SIPA1L1: variants seen among roughly 807,000 people sequenced by gnomAD.
The protein encoded by SIPA1L1 is signal induced proliferation associated 1 like 1.
Under a neutral mutation model 162.7 loss-of-function variants are expected in SIPA1L1, and 26 were observed. That is an observed-to-expected ratio of 0.16 (90% CI 0.12 to 0.22). SIPA1L1 has a LOEUF of 0.22. Ranked by LOEUF, SIPA1L1 falls within the 10% of genes least tolerant of loss-of-function variation. The pLI, the probability that SIPA1L1 is intolerant of heterozygous loss-of-function variation, is 1.00. For synonymous variants in SIPA1L1, 829 were observed against 837.4 expected, an observed-to-expected ratio of 0.99 and a Z score of 0.17; for missense variants, 1,874 against 2,241.0, an observed-to-expected ratio of 0.84 and a Z score of 3.31.
intron 22 of SIPA1L1, among the ~76,000 whole-genome samples, chr14:71,737,804 G>A (rs531247715): frequency 5.2e-4 from 79 of 152,240 alleles, no homozygotes; most frequent in African/African-American, 1.8e-3. Flanking sequence ...GAGACGACCT[G>A]CCTATCACAT....
chr14:71,359,433 C>T (rs930035180), intron 2 of SIPA1L1, among the ~76,000 whole-genome samples: 1 of 152,176 alleles, frequency 6.6e-6, no homozygotes, highest in East Asian at 1.9e-4. Flanking sequence ...ATGTACATCT[C>T]CTCCATATAA....
intron 4 of SIPA1L1, among the ~76,000 whole-genome samples, chr14:71,555,374 T>TA (rs2056262195): frequency 6.6e-6 from 1 of 152,240 alleles, no homozygotes; most frequent in Non-Finnish European, 1.5e-5. Context: ...ACTCTTCTTC[T>TA]GAGTTTCTTC....
At chr14:71,416,444 C>A (rs1206840574) in intron 2 of SIPA1L1, among the ~76,000 whole-genome samples, 1 of 151,888 alleles carries the variant, frequency 6.6e-6, no homozygotes, top group Non-Finnish European at 1.5e-5. Context: ...ATAACTTGAA[C>A]CTCTGGGCAC....
intron 7 of SIPA1L1, among the ~76,000 whole-genome samples, chr14:71,641,251 G>T (rs2041680470): frequency 2.0e-5 from 3 of 147,912 alleles, no homozygotes; most frequent in Non-Finnish European, 4.5e-5. Flanking sequence ...TAAAAACAAG[G>T]AGTTCTGTCC....
intron 2 of SIPA1L1, among the ~76,000 whole-genome samples, chr14:71,389,903 C>T (rs2040614517): frequency 6.6e-6 from 1 of 152,180 alleles, no homozygotes; most frequent in South Asian, 2.1e-4. Flanking sequence ...CGGACAAGTG[C>T]ATTCGCTGGT....
rs780815114 is a variant in SIPA1L1, at chr14:71,733,682, G to A, written c.4878G>A (p.Ser1626=). ...MKSLHGEFSA[S]DSSLTDIQET... ...TTCCCGCAGGAGAGTTCTCAGCCTC[G>A]GACAGCTCCCTCACTGACATCCAGG... is the stretch of plus-strand genomic sequence containing the variant. Residue 1626 remains serine (S), a synonymous_variant, in exon 21 of 24, where the codon TCG becomes TCA. Transcript: ENST00000381232. 3.7e-6 allele frequency: 6 copies of A among 1,613,806 alleles called. No homozygotes were observed. Among genetic ancestry groups the A allele is most frequent in the Middle Eastern group, 1.7e-4 (1 of 6,032 alleles).
intron 22 of SIPA1L1, chr14:71,735,699 T>C (rs2085224273): frequency 3.9e-6 from 1 of 257,010 alleles, no homozygotes; most frequent in South Asian, 6.4e-5. Context: ...ATTCCTGTGC[T>C]CTGTGCTGTG....
intron 3 of SIPA1L1, among the ~76,000 whole-genome samples, chr14:71,526,457 G>T (rs1241346519): frequency 6.6e-6 from 1 of 152,084 alleles, no homozygotes; most frequent in Non-Finnish European, 1.5e-5. Flanking sequence ...TCTTTCATGT[G>T]TCTGGCATCT....
At chr14:71,726,875 G>A (rs564478122) in intron 19 of SIPA1L1, among the ~76,000 whole-genome samples, 16 of 152,186 alleles carry the variant, frequency 1.1e-4, no homozygotes, top group African/African-American at 3.9e-4. Context: ...CCCTTGAGAG[G>A]TCTTCCAGGC....
At chr14:71,336,603 C>T (rs1566902660) in intron 2 of SIPA1L1, among the ~76,000 whole-genome samples, 1 of 152,140 alleles carries the variant, frequency 6.6e-6, no homozygotes, top group Non-Finnish European at 1.5e-5. Context: ...ACAGAAACTA[C>T]AACCTGTGCT....
At chr14:71,418,519 T>C (rs1476970861) in intron 2 of SIPA1L1, among the ~76,000 whole-genome samples, 1 of 152,034 alleles carries the variant, frequency 6.6e-6, no homozygotes, top group East Asian at 1.9e-4. Context: ...ACTTAAAAAG[T>C]TGGGTGACAT....
chr14:71,735,202 C>A, intron 21 of SIPA1L1, 75 bp from the exon 22 acceptor site: 1 of 958,644 alleles, frequency 1.0e-6, no homozygotes, highest in Non-Finnish European at 1.7e-6. Context: ...GCCAACTAGA[C>A]CACTTGTTGA....
chr14:71,425,330 C>T (rs1478036873), intron 2 of SIPA1L1, among the ~76,000 whole-genome samples: 1 of 152,008 alleles, frequency 6.6e-6, no homozygotes, highest in Non-Finnish European at 1.5e-5. Flanking sequence ...GAGATTTTGT[C>T]TTTTAATGTA....
chr14:71,590,044 AATAT>A (rs58833289), intron 5 of SIPA1L1, among the ~76,000 whole-genome samples: 778 of 59,476 alleles, frequency 0.013, 8 homozygotes, highest in African/African-American at 0.015. Flanking sequence ...AAAAAAAAAA[AATAT>A]ATATATATAT....
chr14:71,637,818 A>G (rs956065054), intron 7 of SIPA1L1, among the ~76,000 whole-genome samples: 6 of 152,198 alleles, frequency 3.9e-5, no homozygotes, highest in African/African-American at 1.4e-4. Context: ...GGTTTCAGGC[A>G]TCCACTGAAG....
At chr14:71,562,204 A>G (rs2146639801) in intron 4 of SIPA1L1, among the ~76,000 whole-genome samples, 1 of 152,082 alleles carries the variant, frequency 6.6e-6, no homozygotes, top group East Asian at 1.9e-4. Context: ...AACAAGTATC[A>G]TATCTATGAC....
At chr14:71,463,132 T>G (rs2046733713) in intron 2 of SIPA1L1, among the ~76,000 whole-genome samples, 1 of 152,196 alleles carries the variant, frequency 6.6e-6, no homozygotes, top group South Asian at 2.1e-4. Context: ...AAGTCCTTGA[T>G]GGTGGCATTA....
At chr14:71,418,194 A>G (rs1028084234) in intron 2 of SIPA1L1, 1 of 152,178 alleles carries the variant, frequency 6.6e-6, no homozygotes, top group South Asian at 2.1e-4. Flanking sequence ...ACTGGAGCAA[A>G]TGGTAAGAGG....
At chr14:71,600,114 T>C (rs1421096821) in intron 5 of SIPA1L1, among the ~76,000 whole-genome samples, 2 of 152,234 alleles carry the variant, frequency 1.3e-5, no homozygotes, top group Admixed American at 6.5e-5. Context: ...CTTTTTACTT[T>C]AGTATAGTCC....
Sources: allele counts gnomAD v4.1 joint callset (sites outside exome capture counted in the v4.1 genomes callset), GRCh38; gene constraint gnomAD v4.1.1; transcripts MANE v1.5; gene names NCBI Gene and HGNC (gene_info 2026-07-23, HGNC 2026-07-21).